The following ULK4 variants were observed in gnomAD, a reference collection of about 807,000 sequenced individuals.
ULK4 encodes the protein unc-51 like kinase 4.
Under a neutral mutation model 160.6 loss-of-function variants are expected in ULK4, and 133 were observed. The observed-to-expected ratio is 0.83, with a 90% CI of 0.72 to 0.96. The LOEUF (loss-of-function observed/expected upper bound fraction) is 0.96, where lower values mean the gene tolerates loss of function less well. Ranked by LOEUF, ULK4 falls within the 40% of genes least tolerant of loss-of-function variation. The pLI is 0.00. For synonymous variants in ULK4, 534 were observed against 539.8 expected, an observed-to-expected ratio of 0.99 and a Z score of 0.15; for missense variants, 1,580 against 1,499.5, an observed-to-expected ratio of 1.05 and a Z score of -0.89.
chr3:41,911,296 C>G (rs1161318444), intron 11 of ULK4, 21 bp downstream of exon 11: 1 of 1,611,960 alleles, frequency 6.2e-7, no homozygotes, highest in Non-Finnish European at 8.5e-7. Context: ...GCACTGATCC[C>G]TCTTTTTTCA....
chr3:41,327,618 G>A (rs2080362629), intron 35 of ULK4, among the ~76,000 whole-genome samples: 1 of 152,166 alleles, frequency 6.6e-6, no homozygotes, highest in South Asian at 2.1e-4. Context: ...AAATAAGACA[G>A]CCAGATGTGT....
chr3:41,856,043 C>A (rs2042330291), intron 17 of ULK4, among the ~76,000 whole-genome samples: 1 of 152,090 alleles, frequency 6.6e-6, no homozygotes, highest in South Asian at 2.1e-4. Flanking sequence ...GAAAGCATGT[C>A]TTTAAAGAAT....
chr3:41,279,254 G>GAAAAAAAAAA (rs2079295716), intron 35 of ULK4, among the ~76,000 whole-genome samples: 1 of 54,178 alleles, frequency 1.8e-5, no homozygotes, highest in African/African-American at 1.2e-4. Context: ...GAAAAAAAGA[G>GAAAAAAAAAA]TAAAAAAAAA....
At chr3:41,715,208 A>G (rs753134688) in intron 25 of ULK4, 29 bp downstream of exon 25, 2 of 1,602,970 alleles carry the variant, frequency 1.2e-6, no homozygotes, top group East Asian at 2.2e-5. Flanking sequence ...CAATTTTATT[A>G]GAAACAAGGA....
intron 31 of ULK4, among the ~76,000 whole-genome samples, chr3:41,578,281 G>A (rs1161449668): frequency 6.6e-6 from 1 of 152,104 alleles, no homozygotes; most frequent in Non-Finnish European, 1.5e-5. Flanking sequence ...AGGCAACCTG[G>A]GTCTTTGTCA....
chr3:41,292,223 T>C (rs1255827630), intron 35 of ULK4, among the ~76,000 whole-genome samples: 1 of 152,182 alleles, frequency 6.6e-6, no homozygotes, highest in Admixed American at 6.5e-5. Context: ...TACTTCTAAG[T>C]GGAAGGTGGA....
intron 27 of ULK4, among the ~76,000 whole-genome samples, chr3:41,699,455 A>T (rs1302396587): frequency 6.6e-6 from 1 of 152,220 alleles, no homozygotes; most frequent in African/African-American, 2.4e-5. Flanking sequence ...TAAAGAAGTC[A>T]TCTTTATTTC....
chr3:41,957,630 T>C (rs1700528310), intron 1 of ULK4, among the ~76,000 whole-genome samples: 1 of 151,824 alleles, frequency 6.6e-6, no homozygotes, highest in South Asian at 2.1e-4. Context: ...AAAGAACTGC[T>C]TGAGCCCAGG....
intron 22 of ULK4, among the ~76,000 whole-genome samples, chr3:41,727,299 G>A (rs1000448598): frequency 4.6e-5 from 7 of 152,266 alleles, no homozygotes; most frequent in South Asian, 2.1e-4. Context: ...ACTATTTACC[G>A]TGTCTACTAT....
At chr3:41,334,793 C>G (rs141039196) in intron 35 of ULK4, among the ~76,000 whole-genome samples, 191 of 152,260 alleles carry the variant, frequency 1.3e-3, no homozygotes, top group African/African-American at 4.4e-3. Context: ...AAAGAATTAA[C>G]CACAAATAGC....
rs1472528360 is a variant in ULK4 at position 41,815,942 on chromosome 3, A to G, written c.1848+3481T>C. 3.3e-5 allele frequency among the ~76,000 whole-genome samples: 5 copies of G among 152,176 alleles called. No homozygotes were observed. In the South Asian group the frequency reaches 8.3e-4, roughly 25 times the overall value. On this transcript the variant is annotated intron_variant, in intron 19 of 36. Transcript: ENST00000301831. ...TCATAAGATACAAAAAGCACAAATCATAAAGGAATAGATAAACTGAGCTAC... is the reference window on the plus strand; with the variant it reads ...TCATAAGATACAAAAAGCACAAATCGTAAAGGAATAGATAAACTGAGCTAC...
At chr3:41,540,107 A>C (rs1369667077) in intron 32 of ULK4, among the ~76,000 whole-genome samples, 1 of 152,098 alleles carries the variant, frequency 6.6e-6, no homozygotes, top group Non-Finnish European at 1.5e-5. Flanking sequence ...TCTGGGGTAC[A>C]AGTGCAGAAT....
chr3:41,475,433 G>T (rs2084110751), intron 32 of ULK4, among the ~76,000 whole-genome samples: 1 of 152,024 alleles, frequency 6.6e-6, no homozygotes, highest in Non-Finnish European at 1.5e-5. Context: ...GCACAGCATG[G>T]TGAATATAGT....
At chr3:41,302,490 TGAG>T (rs1413413339) in intron 35 of ULK4, among the ~76,000 whole-genome samples, 6 of 152,198 alleles carry the variant, frequency 3.9e-5, no homozygotes, top group Non-Finnish European at 7.3e-5. Context: ...TTGACGGGAA[TGAG>T]GAGTGACAGA....
At chr3:41,769,494 G>A (rs1169261876) in intron 21 of ULK4, among the ~76,000 whole-genome samples, 1 of 152,158 alleles carries the variant, frequency 6.6e-6, no homozygotes, top group Non-Finnish European at 1.5e-5. Flanking sequence ...TTGTCATACA[G>A]CTCGACATAC....
chr3:41,380,468 T>C (rs2081624308), intron 35 of ULK4, among the ~76,000 whole-genome samples: 3 of 152,124 alleles, frequency 2.0e-5, no homozygotes, highest in Non-Finnish European at 4.4e-5. Context: ...AGAGTAAGAC[T>C]GCATCTCTAC....
At chr3:41,716,791 A>G (rs994708590) in intron 23 of ULK4, among the ~76,000 whole-genome samples, 5 of 152,240 alleles carry the variant, frequency 3.3e-5, no homozygotes, top group Non-Finnish European at 1.5e-5. Context: ...GCAAATAACA[A>G]TGAAATAAGG....
intron 32 of ULK4, among the ~76,000 whole-genome samples, chr3:41,472,867 T>C (rs914644072): frequency 1.3e-5 from 2 of 152,092 alleles, no homozygotes; most frequent in East Asian, 3.9e-4. Context: ...GATGTAAAAA[T>C]ACTCAATAAA....
At chr3:41,381,644 A>AT (rs2081654764) in intron 35 of ULK4, among the ~76,000 whole-genome samples, 1 of 152,094 alleles carries the variant, frequency 6.6e-6, no homozygotes, top group Non-Finnish European at 1.5e-5. Flanking sequence ...AAATATAACC[A>AT]TTTTTTACCC....
Sources: allele counts gnomAD v4.1 joint callset (sites outside exome capture counted in the v4.1 genomes callset), GRCh38; gene constraint gnomAD v4.1.1; transcripts MANE v1.5; gene names NCBI Gene and HGNC (gene_info 2026-07-23, HGNC 2026-07-21).